WASF1: variants seen among roughly 807,000 people sequenced by gnomAD.
The protein encoded by WASF1 is WASP family member 1, also known as actin-binding protein WASF1.
A neutral mutation model predicts 50.5 loss-of-function variants in WASF1; 7 were observed. The observed-to-expected ratio is 0.14, with a 90% CI of 0.08 to 0.26. WASF1 has a LOEUF of 0.26. Ranked by LOEUF, WASF1 falls within the 10% of genes least tolerant of loss-of-function variation. WASF1 has a pLI of 1.00. For synonymous variants in WASF1, 205 were observed against 244.0 expected (o/e 0.84, Z 1.49); for missense variants, 470 against 694.7 (o/e 0.68, Z 3.64).
chr6:110,170,327 A>G (rs1032370529), intron 2 of WASF1, among the ~76,000 whole-genome samples: 1 of 152,036 alleles, frequency 6.6e-6, no homozygotes, highest in African/African-American at 2.4e-5. Context: ...GGCTCAAGTG[A>G]TCCTACTACC....
intron 3 of WASF1, among the ~76,000 whole-genome samples, chr6:110,144,087 A>G (rs1443078690): frequency 6.6e-6 from 1 of 152,142 alleles, no homozygotes; most frequent in Non-Finnish European, 1.5e-5. Context: ...CAACAGTGTA[A>G]AAGTGTTCCT....
intron 3 of WASF1, among the ~76,000 whole-genome samples, chr6:110,144,355 G>C (rs546320134): frequency 1.3e-5 from 2 of 152,192 alleles, no homozygotes; most frequent in African/African-American, 4.8e-5. Flanking sequence ...TGTAGATTCT[G>C]GATATTAGCC....
intron 10 of WASF1, 56 bp from the exon 11 acceptor site, chr6:110,100,735 T>C: frequency 7.1e-7 from 1 of 1,412,218 alleles, no homozygotes; most frequent in East Asian, 2.7e-5. Flanking sequence ...TACTAGATAT[T>C]ATTAATATTT....
At chr6:110,145,971 G>A (rs1444210382) in intron 3 of WASF1, among the ~76,000 whole-genome samples, 4 of 138,462 alleles carry the variant, frequency 2.9e-5, no homozygotes, top group Non-Finnish European at 4.6e-5. Context: ...ATCACACACC[G>A]GGGACTGTTG....
chr6:110,115,016 T>C (rs1773734889), intron 4 of WASF1, among the ~76,000 whole-genome samples: 2 of 150,386 alleles, frequency 1.3e-5, no homozygotes, highest in South Asian at 4.2e-4. Context: ...CACTTGAGCC[T>C]AGGAGGTCGA....
At chr6:110,145,286 T>C (rs976056585) in intron 3 of WASF1, among the ~76,000 whole-genome samples, 2 of 152,190 alleles carry the variant, frequency 1.3e-5, no homozygotes, top group Non-Finnish European at 2.9e-5. Flanking sequence ...ATAAGAATGC[T>C]TGTGATTTTT....
At chr6:110,120,590 C>T (rs570088716) in intron 4 of WASF1, among the ~76,000 whole-genome samples, 92 of 149,562 alleles carry the variant, frequency 6.2e-4, no homozygotes, top group African/African-American at 2.1e-3. Context: ...AGAATCAATA[C>T]CGTGAAAATG....
intron 3 of WASF1, among the ~76,000 whole-genome samples, chr6:110,141,436 C>T (rs1775229397): frequency 6.6e-6 from 1 of 152,160 alleles, no homozygotes; most frequent in African/African-American, 2.4e-5. Flanking sequence ...GGCAGCAACT[C>T]TTTTCTGAAG....
At chr6:110,168,955 C>G (rs1350291687) in intron 2 of WASF1, among the ~76,000 whole-genome samples, 1 of 152,054 alleles carries the variant, frequency 6.6e-6, no homozygotes, top group East Asian at 1.9e-4. Context: ...ACTAGCATCT[C>G]ACATTCCTCT....
chr6:110,143,312 C>T (rs1452841369), intron 3 of WASF1, among the ~76,000 whole-genome samples: 2 of 151,802 alleles, frequency 1.3e-5, no homozygotes, highest in African/African-American at 4.8e-5. Context: ...CTACTGAAAT[C>T]TAACCATAGC....
rs372325736 is a variant in WASF1, at chr6:110,123,101, G to T, written c.133+4368C>A. On this transcript the variant is annotated intron_variant, in intron 4 of 10. Coordinates refer to ENST00000392589, the MANE Select transcript of WASF1 (RefSeq NM_003931.3). ...GGTTAGAGAAGATTATGATGTAAAG[G>T]TATATGCAAATAATATGCCTGTCAA... is the stretch of plus-strand genomic sequence containing the variant. Among the ~76,000 whole-genome samples the T allele has an allele frequency of 3.3e-5, 5 of 152,194 alleles. No homozygotes were observed. The East Asian group carries it at 9.7e-4, about 29-fold the overall frequency.
intron 8 of WASF1, among the ~76,000 whole-genome samples, chr6:110,104,580 T>C (rs1270048245): frequency 1.3e-5 from 2 of 152,062 alleles, no homozygotes; most frequent in African/African-American, 4.8e-5. Flanking sequence ...CTTGAGGTCA[T>C]GAGTTCAAGA....
intron 5 of WASF1, among the ~76,000 whole-genome samples, chr6:110,111,636 C>T (rs1444436679): frequency 6.6e-6 from 1 of 152,054 alleles, no homozygotes; most frequent in East Asian, 1.9e-4. Context: ...AAACATTATG[C>T]TAAAAGAAGC....
At chr6:110,153,561 G>GC (rs1775919169) in intron 3 of WASF1, among the ~76,000 whole-genome samples, 1 of 152,094 alleles carries the variant, frequency 6.6e-6, no homozygotes, top group African/African-American at 2.4e-5. Context: ...TCAATCTACT[G>GC]CATGTACAGT....
At chr6:110,140,966 A>C (rs868340815) in intron 3 of WASF1, among the ~76,000 whole-genome samples, 2 of 152,310 alleles carry the variant, frequency 1.3e-5, no homozygotes, top group South Asian at 4.2e-4. Flanking sequence ...AGGATGAATC[A>C]CATTCCAGGC....
chr6:110,144,047 C>T (rs1042233642), intron 3 of WASF1, among the ~76,000 whole-genome samples: 1 of 152,122 alleles, frequency 6.6e-6, no homozygotes, highest in Non-Finnish European at 1.5e-5. Flanking sequence ...CACCGACTTC[C>T]ACAATGGTTG....
rs1443939765 is a variant in WASF1 at position 110,155,727 on chromosome 6, CA to C, written c.-29+4907del. Among the ~76,000 whole-genome samples, 5 of 54,360 alleles carry C rather than the reference CA, an allele frequency of 9.2e-5. 1 individual carries two copies. The highest frequency in any genetic ancestry group is 3.9e-4 in the African/African-American group (5 of 12,708). The allele number at this position is 54,360 out of a possible 152,430, so 35.7% of individuals were successfully genotyped here. ...CCTCCCCCGACCCCACCACAGTCCCCAGAGTGTGATATTCCCCTTCCTGTGT... is the reference window on the plus strand; with the variant it reads ...CCTCCCCCGACCCCACCACAGTCCCCGAGTGTGATATTCCCCTTCCTGTGT... On this transcript the variant is annotated intron_variant, in intron 3 of 10. Transcript: ENST00000392589.
chr6:110,132,339 G>C (rs1255672593), intron 3 of WASF1, among the ~76,000 whole-genome samples: 1 of 150,886 alleles, frequency 6.6e-6, no homozygotes, highest in African/African-American at 2.4e-5. Context: ...TCTTTTTCTT[G>C]CCTTACCACA....
intron 1 of WASF1, among the ~76,000 whole-genome samples, 189 bp from the exon 2 acceptor site, chr6:110,178,931 CGAA>C (rs890665712): frequency 6.6e-6 from 1 of 152,212 alleles, no homozygotes; most frequent in African/African-American, 2.4e-5. Flanking sequence ...CCCCTTCCAA[CGAA>C]GAAAAGGATG....
Sources: gnomAD v4.1 joint callset for allele counts (sites outside exome capture counted in the v4.1 genomes callset) on GRCh38, gnomAD v4.1.1 for gene constraint, MANE v1.5 for transcripts, NCBI Gene and HGNC (gene_info 2026-07-23, HGNC 2026-07-21) for gene names.